Variants in DLGAP2 observed in about 807,000 individuals in gnomAD.
DLGAP2 encodes the protein DLG associated protein 2.
In DLGAP2, 26 loss-of-function variants were observed where a neutral mutation model predicts 100.3. The observed-to-expected ratio is 0.26, with a 90% confidence interval of 0.19 to 0.36. The LOEUF is 0.36. DLGAP2 is among the 10% of genes least tolerant of loss of function. The pLI, the probability that DLGAP2 is intolerant of heterozygous loss-of-function variation, is 1.00. For missense variants in DLGAP2, 1,858 were observed against 1,453.2 expected, an observed-to-expected ratio of 1.28 and a Z score of -4.53; for synonymous variants, 886 against 630.1, an observed-to-expected ratio of 1.41 and a Z score of -6.08.
At position 1,432,770 on chromosome 8, in the gene DLGAP2, C is replaced by T. The variant is rs570216954; in HGVS notation, c.107-68596C>T. Among the ~76,000 whole-genome samples, 263 of 152,312 alleles carry T rather than the reference C, an allele frequency of 1.7e-3. 4 individuals carry two copies. In the South Asian group the frequency reaches 0.024, roughly 14 times the overall value. On this transcript the variant is annotated intron_variant, in intron 3 of 14. Coordinates refer to ENST00000637795, the MANE Select transcript of DLGAP2 (RefSeq NM_001346810.2). ...CCATGACCTGCCAGCATGCAGGTTA[C>T]GGGTGATTCCCGCGATCGCGTGTTT...
intron 3 of DLGAP2, among the ~76,000 whole-genome samples, chr8:1,332,564 G>T (rs1402246253): frequency 6.6e-6 from 1 of 152,168 alleles, no homozygotes; most frequent in African/African-American, 2.4e-5. Context: ...CACTTGCTAT[G>T]ACGGAGCTTC....
At position 1,458,966 on chromosome 8, in the gene DLGAP2, G is replaced by A. The variant is rs979525871; in HGVS notation, c.107-42400G>A. On this transcript the variant is annotated intron_variant, in intron 3 of 14. Coordinates refer to ENST00000637795, the MANE Select transcript of DLGAP2 (RefSeq NM_001346810.2). ...TGTCCCAGACAGGAGTGACAACCAG[G>A]TGGTTTACATGCATCTACCCGAGGG... is the stretch of plus-strand genomic sequence containing the variant. Among the ~76,000 whole-genome samples, 3 of 147,582 alleles carry A rather than the reference G, an allele frequency of 2.0e-5. No individual in the cohort carries two copies. In the South Asian group the frequency reaches 6.4e-4, roughly 32 times the overall value.
At chr8:1,617,683 G>A (rs1228914507) in intron 6 of DLGAP2, among the ~76,000 whole-genome samples, 1 of 152,284 alleles carries the variant, frequency 6.6e-6, no homozygotes, top group Non-Finnish European at 1.5e-5. Flanking sequence ...TCTGTCGATA[G>A]TTTCTTTTGC....
chr8:1,114,905 A>T (rs995673805), intron 2 of DLGAP2, among the ~76,000 whole-genome samples: 8 of 152,140 alleles, frequency 5.3e-5, no homozygotes, highest in African/African-American at 1.9e-4. Flanking sequence ...CTTTGTTCTT[A>T]TCAGTTTCAA....
At chr8:1,009,217 A>G (rs1370543385) in intron 2 of DLGAP2, among the ~76,000 whole-genome samples, 11 of 152,138 alleles carry the variant, frequency 7.2e-5, no homozygotes, top group Non-Finnish European at 1.5e-4. Flanking sequence ...CTGTCCCCCA[A>G]AACTCTCCTT....
chr8:1,180,778 G>A (rs1172920845), intron 2 of DLGAP2, among the ~76,000 whole-genome samples: 1 of 152,108 alleles, frequency 6.6e-6, no homozygotes, highest in East Asian at 1.9e-4. Flanking sequence ...TTACTGTCGA[G>A]TGTGTGTGGG....
intron 2 of DLGAP2, among the ~76,000 whole-genome samples, chr8:1,245,960 C>T (rs1027975777): frequency 6.6e-6 from 1 of 152,060 alleles, no homozygotes; most frequent in South Asian, 2.1e-4. Flanking sequence ...GCAGGGAAGG[C>T]CTCAGCATTT....
At chr8:1,273,211 C>G (rs1431561335) in intron 3 of DLGAP2, among the ~76,000 whole-genome samples, 1 of 152,190 alleles carries the variant, frequency 6.6e-6, no homozygotes, top group Non-Finnish European at 1.5e-5. Context: ...GCCCTCCCAC[C>G]AGCCACAAAC....
At chr8:878,441 C>G (rs548908496) in intron 1 of DLGAP2, among the ~76,000 whole-genome samples, 1 of 151,938 alleles carries the variant, frequency 6.6e-6, no homozygotes, top group African/African-American at 2.4e-5. Flanking sequence ...GGTCAGAGGA[C>G]GATAAGTAGA....
At chr8:1,569,452 T>A (rs1328056173) in intron 6 of DLGAP2, among the ~76,000 whole-genome samples, 1 of 152,068 alleles carries the variant, frequency 6.6e-6, no homozygotes, top group Non-Finnish European at 1.5e-5. Flanking sequence ...TCCTCGAAAC[T>A]CCTCTGAGTC....
chr8:1,490,089 A>G lies in DLGAP2; in HGVS notation c.107-11277A>G, dbSNP rs554727005. Among the ~76,000 whole-genome samples, 5 of 152,134 alleles carry G rather than the reference A, an allele frequency of 3.3e-5. No homozygotes were observed. The South Asian group carries it at 1.0e-3, about 32-fold the overall frequency. ...TTGCATTTTTAGTAGACAGGGTTTC[A>G]CTATGTTGGCCAGGCTGGTCTTGAA... On this transcript the variant is annotated intron_variant, in intron 3 of 14. Coordinates refer to ENST00000637795, the MANE Select transcript of DLGAP2 (RefSeq NM_001346810.2).
chr8:1,660,618 A>C (rs1285518194), intron 8 of DLGAP2, among the ~76,000 whole-genome samples: 1 of 152,182 alleles, frequency 6.6e-6, no homozygotes, highest in African/African-American at 2.4e-5. Flanking sequence ...CAATTCTTTA[A>C]ACGCTACAGG....
intron 4 of DLGAP2, among the ~76,000 whole-genome samples, chr8:1,520,216 A>G (rs987746137): frequency 1.3e-5 from 2 of 152,226 alleles, no homozygotes; most frequent in African/African-American, 4.8e-5. Flanking sequence ...GCTGAGGAGA[A>G]GAACAGCTGC....
chr8:793,591 C>T (rs1329037229), intron 1 of DLGAP2, among the ~76,000 whole-genome samples: 1 of 152,176 alleles, frequency 6.6e-6, no homozygotes, highest in East Asian at 1.9e-4. Context: ...TACTCCTTCT[C>T]CTCTGAAACT....
chr8:1,075,791 G>T (rs533180219), intron 2 of DLGAP2, among the ~76,000 whole-genome samples: 29 of 152,088 alleles, frequency 1.9e-4, no homozygotes, highest in African/African-American at 6.7e-4. Flanking sequence ...CAGAGGCCGG[G>T]TGTCCCAACT....
intron 3 of DLGAP2, among the ~76,000 whole-genome samples, chr8:1,468,488 T>C (rs554801607): frequency 2.0e-5 from 3 of 152,320 alleles, no homozygotes; most frequent in Non-Finnish European, 4.4e-5. Flanking sequence ...GGATCCGGGC[T>C]GGCCCTGAGT....
rs1392837795 is a variant in DLGAP2, at chr8:1,238,553, G to A, written c.74-20298G>A. Among the ~76,000 whole-genome samples, 48 of 79,772 alleles carry A rather than the reference G, an allele frequency of 6.0e-4. 3 individuals carry two copies. The highest frequency in any genetic ancestry group is 3.9e-3 in the South Asian group (5 of 1,278). 52.3% of individuals were successfully genotyped at this position (79,772 alleles called of 152,430 possible). ...GTGTCTGGTTCTCTCACATGGTGCC[G>A]TGTCTAGTTCTCTCCCATGGCGCCG... is the stretch of plus-strand genomic sequence containing the variant. On this transcript the variant is annotated intron_variant, in intron 2 of 14. Coordinates refer to ENST00000637795, the MANE Select transcript of DLGAP2 (RefSeq NM_001346810.2).
At chr8:828,683 G>T (rs570086915) in intron 1 of DLGAP2, among the ~76,000 whole-genome samples, 1 of 152,286 alleles carries the variant, frequency 6.6e-6, no homozygotes, top group East Asian at 1.9e-4. Context: ...AATCACAAGG[G>T]TACTGATTGG....
At chr8:861,058 G>A (rs977961668) in intron 1 of DLGAP2, among the ~76,000 whole-genome samples, 12 of 152,132 alleles carry the variant, frequency 7.9e-5, no homozygotes, top group African/African-American at 1.4e-4. Flanking sequence ...CAGCGGGAGC[G>A]GAGGGGACAT....
Sources: gnomAD v4.1 joint callset for allele counts (sites outside exome capture counted in the v4.1 genomes callset) on GRCh38, gnomAD v4.1.1 for gene constraint, MANE v1.5 for transcripts, NCBI Gene and HGNC (gene_info 2026-07-23, HGNC 2026-07-21) for gene names.